Variants in HIGD1C observed in about 807,000 individuals in gnomAD.
HIGD1C encodes the protein HIG1 hypoxia inducible domain family member 1C, also known as HIG1 domain family member 1C.
HIGD1C carries 11 observed loss-of-function variants against 13.1 expected under a neutral mutation model. That is an observed-to-expected ratio of 0.84 (90% confidence interval 0.53 to 1.39). The LOEUF (loss-of-function observed/expected upper bound fraction) is 1.39, where lower values mean the gene tolerates loss of function less well. Among genes scored for constraint, HIGD1C ranks in the 40% most tolerant of loss-of-function variants. The probability of loss-of-function intolerance (pLI) is 0.00; values close to 1 mark genes in which losing one functional copy is unlikely to be tolerated. For missense variants in HIGD1C, 110 were observed against 112.0 expected, an observed-to-expected ratio of 0.98 and a Z score of 0.08; for synonymous variants, 36 against 37.7, an observed-to-expected ratio of 0.95 and a Z score of 0.17.
chr12:50,951,789 T>A (rs745540773), upstream of HIGD1C, among the ~76,000 whole-genome samples: 8 of 151,594 alleles, frequency 5.3e-5, no homozygotes, highest in Non-Finnish European at 8.8e-5. Flanking sequence ...GGGCGTGGTG[T>A]GGCGCTTCTA....
intron 2 of HIGD1C, among the ~76,000 whole-genome samples, chr12:50,969,078 TG>T (rs1438080595): frequency 6.6e-6 from 1 of 151,572 alleles, no homozygotes; most frequent in African/African-American, 2.4e-5. Flanking sequence ...GTGGATCACC[TG>T]AGGTCAGGAG....
intron 2 of HIGD1C, among the ~76,000 whole-genome samples, chr12:50,968,595 G>A (rs1939637705): frequency 6.6e-6 from 1 of 151,970 alleles, no homozygotes; most frequent in Admixed American, 6.6e-5. Flanking sequence ...TGTTGCCCAG[G>A]CTGGAGTGCA....
At chr12:50,962,693 T>C (rs531852724) in intron 2 of HIGD1C, among the ~76,000 whole-genome samples, 1 of 152,000 alleles carries the variant, frequency 6.6e-6, no homozygotes, top group South Asian at 2.1e-4. Flanking sequence ...CAAGACTCCA[T>C]CTCAAAAAAA....
intron 1 of HIGD1C, among the ~76,000 whole-genome samples, chr12:50,954,731 C>T (rs1939027163): frequency 6.6e-6 from 1 of 152,024 alleles, no homozygotes; most frequent in Non-Finnish European, 1.5e-5. Context: ...GTCTCAAAAA[C>T]AAACAAACAA....
intron 2 of HIGD1C, among the ~76,000 whole-genome samples, chr12:50,963,877 T>C (rs1939441785): frequency 6.6e-6 from 1 of 152,190 alleles, no homozygotes; most frequent in Non-Finnish European, 1.5e-5. Context: ...CCTTGTCAAC[T>C]TGACATCCAT....
the HIGD1C span, chr12:50,940,170 T>C: frequency 6.6e-6 from 1 of 152,330 alleles, no homozygotes; most frequent in East Asian, 1.9e-4. Flanking sequence ...CTTGCTTCAA[T>C]TGCTACAAAA....
intron 1 of HIGD1C, among the ~76,000 whole-genome samples, chr12:50,955,184 T>C (rs1289239137): frequency 1.3e-5 from 2 of 152,116 alleles, no homozygotes; most frequent in Non-Finnish European, 2.9e-5. Flanking sequence ...TCCCAGCTAC[T>C]CAGGAGGCTG....
At chr12:50,952,690 C>T (rs1047191266), upstream of HIGD1C, among the ~76,000 whole-genome samples, 3 of 152,148 alleles carry the variant, frequency 2.0e-5, no homozygotes, top group Admixed American at 6.5e-5. Context: ...TTGCAGGAGG[C>T]GCACCTGCGA....
rs528844216 is a variant in HIGD1C at position 50,966,195 on chromosome 12, TAGGG to T, written c.230-4244_230-4241del. On this transcript the variant is annotated intron_variant, in intron 2 of 2. Coordinates refer to ENST00000398455, the Ensembl canonical transcript of HIGD1C. The stretch of plus-strand genomic sequence containing the variant: ...AGGATCCCATCATCCCCATTGAATT[TAGGG>T]AGCCCAGCAGTTTGCACTGTCATTT... Among the ~76,000 whole-genome samples, 792 of 152,282 alleles carry T rather than the reference TAGGG, an allele frequency of 5.2e-3. 9 individuals are homozygous for T. Among genetic ancestry groups the T allele is most frequent in the Non-Finnish European group, 5.8e-3 (395 of 68,018 alleles).
At chr12:50,946,317 T>C in the HIGD1C span, among the ~76,000 whole-genome samples, 14 of 152,320 alleles carry the variant, frequency 9.2e-5, no homozygotes, top group South Asian at 1.2e-3. Flanking sequence ...GAGAAAATTT[T>C]TGCAATCTAC....
At chr12:50,931,711 CAAAAAAAAAAAAAAAAAA>C in the HIGD1C span, 1 of 43,380 alleles carries the variant, frequency 2.3e-5, no homozygotes, top group Non-Finnish European at 4.9e-5. Flanking sequence ...GACTCCGTCT[CAAAAAAAAAAAAAAAAAA>C]AAAAAGAAGT....
chr12:50,945,694 T>C, the HIGD1C span, among the ~76,000 whole-genome samples: 1 of 152,212 alleles, frequency 6.6e-6, no homozygotes, highest in East Asian at 1.9e-4. Context: ...CCCATCAAGC[T>C]ACCAATGACT....
intron 1 of HIGD1C, among the ~76,000 whole-genome samples, chr12:50,954,576 C>T (rs747279754): frequency 1.8e-4 from 27 of 152,080 alleles, no homozygotes; most frequent in Non-Finnish European, 3.2e-4. Flanking sequence ...ACTTCTGCTT[C>T]TAGGCCGGGC....
At chr12:50,963,234 G>A (rs898005826) in intron 2 of HIGD1C, among the ~76,000 whole-genome samples, 2 of 151,820 alleles carry the variant, frequency 1.3e-5, no homozygotes, top group Non-Finnish European at 2.9e-5. Context: ...GCTGGGAGTA[G>A]TGGTGCATGC....
chr12:50,948,025 AG>A, the HIGD1C span, among the ~76,000 whole-genome samples: 7 of 152,364 alleles, frequency 4.6e-5, no homozygotes, highest in East Asian at 1.2e-3. Flanking sequence ...GAGGACTACA[AG>A]GGAACAAAAT....
the HIGD1C span, among the ~76,000 whole-genome samples, chr12:50,946,814 C>T: frequency 6.6e-6 from 1 of 152,096 alleles, no homozygotes; most frequent in Non-Finnish European, 1.5e-5. Flanking sequence ...ATGTAAATGA[C>T]AAGTTAATGG....
At chr12:50,962,292 C>T (rs1323068304) in intron 2 of HIGD1C, among the ~76,000 whole-genome samples, 1 of 151,250 alleles carries the variant, frequency 6.6e-6, no homozygotes. Flanking sequence ...GCCTGTAATC[C>T]CAGCTACTTG....
At chr12:50,963,469 A>G (rs1179255733) in intron 2 of HIGD1C, among the ~76,000 whole-genome samples, 2 of 152,062 alleles carry the variant, frequency 1.3e-5, no homozygotes, top group Non-Finnish European at 2.9e-5. Flanking sequence ...TACACAGGAC[A>G]GACTGGAACC....
chr12:50,959,808 C>T (rs997707414), intron 1 of HIGD1C, among the ~76,000 whole-genome samples: 31 of 151,898 alleles, frequency 2.0e-4, no homozygotes, highest in Non-Finnish European at 3.5e-4. Flanking sequence ...CCACCACGCC[C>T]GGCTAATTTT....
Sources: allele counts gnomAD v4.1 joint callset (sites outside exome capture counted in the v4.1 genomes callset), GRCh38; gene constraint gnomAD v4.1.1; transcripts MANE v1.5; gene names NCBI Gene and HGNC (gene_info 2026-07-23, HGNC 2026-07-21).